Variants in CTNNA2 observed in about 807,000 individuals in gnomAD.
The protein encoded by CTNNA2 is catenin alpha 2, also known as catenin alpha-2.
In CTNNA2, 42 loss-of-function variants were observed where a neutral mutation model predicts 101.0. The ratio of observed to expected loss-of-function variants is 0.42; its 90% CI spans 0.32 to 0.54. The LOEUF (loss-of-function observed/expected upper bound fraction) is 0.54, where lower values mean the gene tolerates loss of function less well. Ranked by LOEUF, CTNNA2 falls within the 20% of genes least tolerant of loss-of-function variation. CTNNA2 has a pLI of 0.14. For synonymous variants in CTNNA2, 450 were observed against 456.4 expected, an observed-to-expected ratio of 0.99 and a Z score of 0.18; for missense variants, 871 against 1,223.1, an observed-to-expected ratio of 0.71 and a Z score of 4.29.
At chr2:79,797,660 T>TA (rs10630216) in intron 3 of CTNNA2, among the ~76,000 whole-genome samples, 62,729 of 121,700 alleles carry the variant, frequency 0.52, 17,894 homozygotes, top group Non-Finnish European at 0.64. Flanking sequence ...GACTCTGTCT[T>TA]AAAAAAAAAA....
intron 1 of CTNNA2, among the ~76,000 whole-genome samples, chr2:79,552,610 C>G (rs988622371): frequency 2.6e-5 from 4 of 152,190 alleles, no homozygotes; most frequent in Non-Finnish European, 5.9e-5. Context: ...GACATCCGGG[C>G]ATTTCCATTC....
intron 7 of CTNNA2, among the ~76,000 whole-genome samples, chr2:80,171,365 C>T (rs1276368701): frequency 6.6e-6 from 1 of 152,212 alleles, no homozygotes; most frequent in Non-Finnish European, 1.5e-5. Flanking sequence ...CCGCCAATCT[C>T]AAATAAAGCA....
rs532692770 is a variant in CTNNA2, at chr2:79,536,124, G to A, written c.-6+22917G>A. Among the ~76,000 whole-genome samples the A allele has an allele frequency of 5.3e-5, 8 of 152,236 alleles. No homozygotes were observed. The South Asian group carries it at 1.7e-3, about 32-fold the overall frequency. On this transcript the variant is annotated intron_variant, in intron 1 of 18. Coordinates refer to ENST00000402739, the MANE Select transcript of CTNNA2 (RefSeq NM_001282597.3). ...GGCACTGATTGGGGTCTGCTGACAG[G>A]GAAGAGAAGTTACCAAAAAGTCAGA...
intron 2 of CTNNA2, among the ~76,000 whole-genome samples, chr2:79,246,330 T>C (rs1674700079): frequency 6.6e-6 from 1 of 152,188 alleles, no homozygotes; most frequent in African/African-American, 2.4e-5. Flanking sequence ...TGCTACAAAA[T>C]GGTTTTTTAT....
intron 3 of CTNNA2, among the ~76,000 whole-genome samples, chr2:79,840,551 A>G (rs1679720123): frequency 6.6e-6 from 1 of 152,192 alleles, no homozygotes; most frequent in Non-Finnish European, 1.5e-5. Context: ...AATGCTATTC[A>G]ATCTCTCACA....
chr2:79,257,541 A>C (rs944964925), intron 2 of CTNNA2, among the ~76,000 whole-genome samples: 1 of 152,114 alleles, frequency 6.6e-6, no homozygotes, highest in African/African-American at 2.4e-5. Context: ...ACTTAAATAA[A>C]ATATTGAAAA....
At chr2:79,644,838 G>A (rs1459970947) in intron 1 of CTNNA2, among the ~76,000 whole-genome samples, 1 of 151,894 alleles carries the variant, frequency 6.6e-6, no homozygotes, top group Non-Finnish European at 1.5e-5. Flanking sequence ...TTTTTCATTT[G>A]TGTCCTTACC....
At chr2:79,497,529 A>G (rs188669220) in intron 4 of CTNNA2, among the ~76,000 whole-genome samples, 50 of 152,302 alleles carry the variant, frequency 3.3e-4, no homozygotes, top group South Asian at 8.3e-4. Flanking sequence ...GTAATGTTAC[A>G]TCAGATAATG....
intron 7 of CTNNA2, among the ~76,000 whole-genome samples, chr2:79,956,841 G>A (rs1689253489): frequency 1.4e-5 from 1 of 72,760 alleles, no homozygotes; most frequent in East Asian, 2.6e-4. Flanking sequence ...GAATACGTGT[G>A]GGTTTTTTTT....
At chr2:79,693,287 C>A (rs1347442567) in intron 2 of CTNNA2, among the ~76,000 whole-genome samples, 1 of 143,538 alleles carries the variant, frequency 7.0e-6, no homozygotes, top group Non-Finnish European at 1.6e-5. Context: ...TTTAAGTTGG[C>A]AAAAATTTCA....
intron 17 of CTNNA2, among the ~76,000 whole-genome samples, chr2:80,613,880 G>A (rs1698650737): frequency 6.6e-6 from 1 of 151,530 alleles, no homozygotes; most frequent in East Asian, 2.0e-4. Context: ...GTGGGCTGAC[G>A]AGTAATTTCT....
At chr2:79,772,088 T>C (rs895462800) in intron 3 of CTNNA2, among the ~76,000 whole-genome samples, 1 of 151,764 alleles carries the variant, frequency 6.6e-6, no homozygotes, top group African/African-American at 2.4e-5. Context: ...AGAATGGACT[T>C]CTGAAATTCA....
chr2:80,351,956 A>G (rs1341709252), intron 7 of CTNNA2, among the ~76,000 whole-genome samples: 2 of 152,056 alleles, frequency 1.3e-5, no homozygotes, highest in African/African-American at 4.8e-5. Context: ...ACAACTACTG[A>G]CCATTTCCAG....
chr2:79,437,158 CG>C (rs1678725240), intron 4 of CTNNA2, among the ~76,000 whole-genome samples: 1 of 151,240 alleles, frequency 6.6e-6, no homozygotes, highest in African/African-American at 2.4e-5. Context: ...CAGTTGAAAC[CG>C]GGAGGCAGTG....
At chr2:79,284,998 T>C (rs1380446369) in intron 2 of CTNNA2, among the ~76,000 whole-genome samples, 623 of 86,596 alleles carry the variant, frequency 7.2e-3, no homozygotes, top group South Asian at 0.01. Context: ...GAAGAGTGTA[T>C]GTGTCGAGGA....
At chr2:80,060,890 C>T (rs1176374304) in intron 7 of CTNNA2, among the ~76,000 whole-genome samples, 1 of 152,180 alleles carries the variant, frequency 6.6e-6, no homozygotes, top group African/African-American at 2.4e-5. Context: ...AGCTGCTTTG[C>T]CCAGGGTTAT....
At chr2:79,941,388 C>T (rs778800015) in intron 7 of CTNNA2, among the ~76,000 whole-genome samples, 2 of 152,180 alleles carry the variant, frequency 1.3e-5, no homozygotes. Context: ...GCAGAGTGCT[C>T]CAGCAGCAAC....
At chr2:80,356,127 A>C (rs1482159513) in intron 7 of CTNNA2, among the ~76,000 whole-genome samples, 1 of 152,116 alleles carries the variant, frequency 6.6e-6, no homozygotes, top group African/African-American at 2.4e-5. Context: ...CAGAGCAATA[A>C]GATAGGGAAC....
intron 7 of CTNNA2, among the ~76,000 whole-genome samples, chr2:80,244,442 G>T (rs1671174235): frequency 6.6e-6 from 1 of 152,112 alleles, no homozygotes; most frequent in Admixed American, 6.5e-5. Flanking sequence ...TACCTCCTGG[G>T]GAAGCCTGGT....
Sources: gnomAD v4.1 joint callset for allele counts (sites outside exome capture counted in the v4.1 genomes callset) on GRCh38, gnomAD v4.1.1 for gene constraint, MANE v1.5 for transcripts, NCBI Gene and HGNC (gene_info 2026-07-23, HGNC 2026-07-21) for gene names.